H3C6: variants seen among roughly 807,000 people sequenced by gnomAD.
The protein encoded by H3C6 is histone H3.1.
Under a neutral mutation model 8.0 loss-of-function variants are expected in H3C6, and 17 were observed. The ratio of observed to expected loss-of-function variants is 2.13; its 90% CI spans 1.46 to 3.19. The LOEUF is 3.19. H3C6 is among the 30% of genes most tolerant of loss of function. The pLI is 0.00. For synonymous variants in H3C6, 169 were observed against 78.0 expected (o/e 2.17, Z -6.15); for missense variants, 298 against 193.8 (o/e 1.54, Z -3.19).
In H3C6 at chr6:26,225,489, C is replaced by T; in HGVS notation, c.335C>T (p.Ala112Val). 6.2e-7 allele frequency: 1 copy of T among 1,614,250 alleles called. No individual in the cohort carries two copies. Among genetic ancestry groups the T allele is most frequent in the Non-Finnish European group, 8.5e-7 (1 of 1,180,040 alleles). ...CTTTTCGAGGACACCAACCTGTGCGCTATTCATGCCAAACGCGTGACCATC... is the reference window on the plus strand; with the variant it reads ...CTTTTCGAGGACACCAACCTGTGCGTTATTCATGCCAAACGCGTGACCATC... ...VGLFEDTNLC[A>V]IHAKRVTIMP... Residue 112 changes from alanine (A) to valine (V), a missense_variant, in exon 1 of 1, where the codon GCT (alanine) becomes GTT (valine). Ala to Val is a moderately conservative substitution (Grantham distance 64, BLOSUM62 0). Coordinates refer to ENST00000614911, the MANE Select transcript of H3C6 (RefSeq NM_003532.3).
chr6:26,224,373 C>T (rs1236754734), upstream of H3C6: 1 of 152,232 alleles, frequency 6.6e-6, no homozygotes. Context: ...TCAGCTCTCT[C>T]CCGCAGGGAT....
chr6:26,225,452 T>C lies in H3C6; in HGVS notation c.298T>C (p.Tyr100His). Residue 100 changes from tyrosine (Y) to histidine (H), a missense_variant, in exon 1 of 1, where the codon TAC becomes CAC. By Grantham distance (83) the Tyr-to-His change is moderately conservative (BLOSUM62 2). Coordinates refer to ENST00000614911, the MANE Select transcript of H3C6 (RefSeq NM_003532.3). Reference protein sequence around the residue: ...VMALQEACEAYLVGLFEDTNL... With the variant: ...VMALQEACEAHLVGLFEDTNL... The stretch of plus-strand genomic sequence containing the variant: ...GGCGCTGCAGGAGGCCTGCGAGGCC[T>C]ACTTGGTGGGGCTTTTCGAGGACAC... 1.9e-6 allele frequency: 3 copies of C among 1,614,268 alleles called. No individual in the cohort carries two copies. The highest frequency in any genetic ancestry group is 2.5e-6 in the Non-Finnish European group (3 of 1,180,044).
At chr6:26,227,005 C>G (rs1759587271), downstream of H3C6, 2 of 152,104 alleles carry the variant, frequency 1.3e-5, no homozygotes, top group African/African-American at 4.8e-5. Context: ...TTAATAGTGA[C>G]AAAGCTGTAA....
downstream of H3C6, chr6:26,225,651 C>A: frequency 7.0e-7 from 1 of 1,436,966 alleles, no homozygotes; most frequent in Non-Finnish European, 9.5e-7. Context: ...TCCTTTGAGA[C>A]GCATTAGACC....
chr6:26,225,261 T>A lies in H3C6; in HGVS notation c.107T>A (p.Val36Glu). 6.2e-7 allele frequency: 1 copy of A among 1,613,992 alleles called. No individual in the cohort carries two copies. The change falls in exon 1 of 1, where the codon GTG becomes GAG. Residue 36 changes from valine to glutamate, a missense_variant. Val to Glu is a moderately radical substitution (Grantham distance 121, BLOSUM62 -2). Coordinates refer to ENST00000614911, the MANE Select transcript of H3C6 (RefSeq NM_003532.3). ...ARKSAPATGG[V>E]KKPHRYRPGT... ...AAGAGCGCTCCGGCCACGGGCGGCG[T>A]GAAGAAGCCCCATCGCTACCGCCCT...
At chr6:26,225,668 C>T (rs1349732724), downstream of H3C6, 3 of 1,288,896 alleles carry the variant, frequency 2.3e-6, no homozygotes, top group African/African-American at 1.5e-5. Flanking sequence ...GACCACTAAA[C>T]TGCACTGATC....
chr6:26,225,451 C>A lies in H3C6; in HGVS notation c.297C>A (p.Ala99=), dbSNP rs370202705. 6.2e-7 allele frequency: 1 copy of A among 1,614,252 alleles called. No homozygotes were observed. Among genetic ancestry groups the A allele is most frequent in the Non-Finnish European group, 8.5e-7 (1 of 1,180,046 alleles). ...AVMALQEACE[A]YLVGLFEDTN... is the part of the protein sequence containing the mutation. ...TGGCGCTGCAGGAGGCCTGCGAGGC[C>A]TACTTGGTGGGGCTTTTCGAGGACA... The change falls in exon 1 of 1, where the codon GCC becomes GCA. Residue 99 remains alanine (A), a synonymous_variant. Coordinates refer to ENST00000614911, the MANE Select transcript of H3C6 (RefSeq NM_003532.3).
chr6:26,226,154 TAAG>T (rs1424989520), downstream of H3C6: 2 of 152,570 alleles, frequency 1.3e-5, no homozygotes, highest in Non-Finnish European at 2.9e-5. Context: ...GGTCTAAGGC[TAAG>T]GTTATTAGCT....
chr6:26,225,767 G>C (rs1008783061), downstream of H3C6: 12 of 621,616 alleles, frequency 1.9e-5, no homozygotes, highest in African/African-American at 1.9e-4. Context: ...TTTTCGCCTA[G>C]GGCTGGGCCT....
rs147117013 is a variant in H3C6, at chr6:26,225,153, C to A, written c.-2C>A. ...CTAACTCATTTACTTTGCAGATGAA[C>A]TATGGCGCGTACTAAGCAGACGGCT... On this transcript the variant is annotated 5_prime_UTR_variant, in exon 1 of 1. Transcript: ENST00000614911. The A allele has an allele frequency of 1.9e-6, 3 of 1,542,288 alleles. No homozygotes were observed. The African/African-American group carries it at 4.1e-5, about 21-fold the overall frequency.
At chr6:26,226,591 T>C (rs1185762593), downstream of H3C6, 1 of 152,114 alleles carries the variant, frequency 6.6e-6, no homozygotes. Flanking sequence ...TTTTCAACTT[T>C]AGTAAATACC....
Position 26,225,336 on chromosome 6 carries a change from T to G in H3C6, c.182T>G (p.Leu61Arg). The change falls in exon 1 of 1, where the codon CTT (leucine) becomes CGT (arginine). Residue 61 changes from leucine (L) to arginine (R), a missense_variant. Physicochemically the swap from Leu to Arg is moderately radical, Grantham distance 102. Transcript: ENST00000614911. The stretch of plus-strand genomic sequence containing the variant: ...CGTCGCTACCAGAAGTCTACCGAGC[T>G]TCTAATCCGGAAGCTGCCGTTTCAG... ...EIRRYQKSTE[L>R]LIRKLPFQRL... 1 of 1,614,214 alleles carries G rather than the reference T, an allele frequency of 6.2e-7. No homozygotes were observed. Among genetic ancestry groups the G allele is most frequent in the Non-Finnish European group, 8.5e-7 (1 of 1,180,022 alleles).
At chr6:26,225,729 A>C, downstream of H3C6, 1 of 912,130 alleles carries the variant, frequency 1.1e-6, no homozygotes, top group South Asian at 2.0e-5. Flanking sequence ...GCTTCATTTA[A>C]ATTTCCAAAT....
upstream of H3C6, chr6:26,225,114 GC>G (rs749700747): frequency 6.6e-7 from 1 of 1,521,148 alleles, no homozygotes; most frequent in East Asian, 2.3e-5. Context: ...ATATAGAGGG[GC>G]AAACCAATCT....
Position 26,225,437 on chromosome 6 carries a change from G to T in H3C6, c.283G>T (p.Glu95Ter). 6 of 1,614,248 alleles carry T rather than the reference G, an allele frequency of 3.7e-6. No homozygotes were observed. The highest frequency in any genetic ancestry group is 4.2e-6 in the Non-Finnish European group (5 of 1,180,042). The change falls in exon 1 of 1, where the codon GAG becomes TAG. Residue 95 changes from glutamate to a stop codon, truncating the protein, a stop_gained. Coordinates refer to ENST00000614911, the MANE Select transcript of H3C6 (RefSeq NM_003532.3). LOFTEE classifies it high-confidence loss of function. Reference sequence around the variant, plus strand: ...GAGTTCCGCGGTGATGGCGCTGCAGGAGGCCTGCGAGGCCTACTTGGTGGG... The same window carrying T: ...GAGTTCCGCGGTGATGGCGCTGCAGTAGGCCTGCGAGGCCTACTTGGTGGG... The part of the protein sequence containing the change: ...FQSSAVMALQ[E>*]ACEAYLVGLF...
In H3C6 at chr6:26,225,426, T is replaced by C; in HGVS notation, c.272T>C (p.Met91Thr). Reference sequence around the variant, plus strand: ...CTGCGCTTCCAGAGTTCCGCGGTGATGGCGCTGCAGGAGGCCTGCGAGGCC... The same window carrying C: ...CTGCGCTTCCAGAGTTCCGCGGTGACGGCGCTGCAGGAGGCCTGCGAGGCC... The part of the protein sequence containing the change: ...TDLRFQSSAV[M>T]ALQEACEAYL... The change falls in exon 1 of 1, where the codon ATG becomes ACG. Residue 91 changes from methionine (M) to threonine (T), a missense_variant. Coordinates refer to ENST00000614911, the MANE Select transcript of H3C6 (RefSeq NM_003532.3). 3 of 1,614,262 alleles carry C rather than the reference T, an allele frequency of 1.9e-6. No individual in the cohort carries two copies. Among genetic ancestry groups the C allele is most frequent in the South Asian group, 1.1e-5 (1 of 91,082 alleles).
Position 26,225,466 on chromosome 6 carries a change from T to A in H3C6, c.312T>A (p.Leu104=). ...CCTGCGAGGCCTACTTGGTGGGGCT[T>A]TTCGAGGACACCAACCTGTGCGCTA... ...QEACEAYLVG[L]FEDTNLCAIH... is the part of the protein sequence containing the mutation. The change falls in exon 1 of 1, where the codon CTT becomes CTA. Residue 104 remains leucine (L), a synonymous_variant. Transcript: ENST00000614911. 6.2e-7 allele frequency: 1 copy of A among 1,614,224 alleles called. No homozygotes were observed. Among genetic ancestry groups the A allele is most frequent in the Non-Finnish European group, 8.5e-7 (1 of 1,180,036 alleles).
At position 26,225,371 on chromosome 6, in the gene H3C6, C is replaced by T. The variant is rs556601521; in HGVS notation, c.217C>T (p.Arg73Ter). 4.3e-6 allele frequency: 7 copies of T among 1,614,114 alleles called. No homozygotes were observed. Among genetic ancestry groups the T allele is most frequent in the East Asian group, 2.2e-5 (1 of 44,894 alleles). ...GAAGCTGCCGTTTCAGCGCCTGGTG[C>T]GAGAAATAGCTCAGGACTTCAAGAC... is the stretch of plus-strand genomic sequence containing the variant. ...IRKLPFQRLV[R>*]EIAQDFKTDL... Residue 73 changes from arginine to a stop codon, truncating the protein, a stop_gained, in exon 1 of 1, where the codon CGA becomes TGA. Coordinates refer to ENST00000614911, the MANE Select transcript of H3C6 (RefSeq NM_003532.3). LOFTEE classifies it high-confidence loss of function.
At position 26,225,436 on chromosome 6, in the gene H3C6, G is replaced by A. The variant is rs1759510128; in HGVS notation, c.282G>A (p.Gln94=). The A allele has an allele frequency of 6.2e-7, 1 of 1,614,256 alleles. No homozygotes were observed. The highest frequency in any genetic ancestry group is 8.5e-7 in the Non-Finnish European group (1 of 1,180,042). ...AGAGTTCCGCGGTGATGGCGCTGCA[G>A]GAGGCCTGCGAGGCCTACTTGGTGG... ...RFQSSAVMAL[Q]EACEAYLVGL... is the part of the protein sequence containing the mutation. Residue 94 remains glutamine (Q), a synonymous_variant, in exon 1 of 1, where the codon CAG becomes CAA. Transcript: ENST00000614911.
Sources: gnomAD v4.1 joint callset for allele counts on GRCh38, gnomAD v4.1.1 for gene constraint, MANE v1.5 for transcripts, NCBI Gene and HGNC (gene_info 2026-07-23, HGNC 2026-07-21) for gene names.